Variants in SLCO1A2 observed in about 807,000 individuals in gnomAD.
The protein encoded by SLCO1A2 is solute carrier organic anion transporter family member 1A2.
Under a neutral mutation model 69.0 loss-of-function variants are expected in SLCO1A2, and 67 were observed. That is an observed-to-expected ratio of 0.97 (90% CI 0.80 to 1.19). The LOEUF (loss-of-function observed/expected upper bound fraction) is 1.19. SLCO1A2 is among the 50% of genes most tolerant of loss of function. The probability of loss-of-function intolerance (pLI) is 0.00; values close to 1 mark genes in which losing one functional copy is unlikely to be tolerated. For missense variants in SLCO1A2, 787 were observed against 793.7 expected (o/e 0.99, Z 0.10); for synonymous variants, 260 against 265.9 (o/e 0.98, Z 0.22).
intron 1 of SLCO1A2, among the ~76,000 whole-genome samples, chr12:21,385,165 T>C (rs1940813977): frequency 6.6e-6 from 1 of 152,114 alleles, no homozygotes; most frequent in African/African-American, 2.4e-5. Flanking sequence ...ATGCTGAAAA[T>C]TTAGTATAAG....
chr12:21,371,264 C>T (rs183725400), intron 2 of SLCO1A2, among the ~76,000 whole-genome samples: 3 of 152,220 alleles, frequency 2.0e-5, no homozygotes, highest in Admixed American at 2.0e-4. Context: ...TTTCCATTGG[C>T]CCTGTTTTAG....
chr12:21,410,950 C>A (rs956516741), intron 1 of SLCO1A2, among the ~76,000 whole-genome samples: 1 of 151,962 alleles, frequency 6.6e-6, no homozygotes, highest in African/African-American at 2.4e-5. Flanking sequence ...TTTTTATTAA[C>A]GAGTAAAGAT....
At chr12:21,364,025 G>A (rs988087500) in intron 2 of SLCO1A2, among the ~76,000 whole-genome samples, 1 of 152,116 alleles carries the variant, frequency 6.6e-6, no homozygotes, top group African/African-American at 2.4e-5. Context: ...GAAAAAGAGG[G>A]AATCCTCCCT....
At chr12:21,326,937 C>T (rs949334719) in intron 2 of SLCO1A2, among the ~76,000 whole-genome samples, 2 of 152,126 alleles carry the variant, frequency 1.3e-5, no homozygotes, top group East Asian at 1.9e-4. Flanking sequence ...CAGAAACTTG[C>T]GTAAGTAATG....
intron 2 of SLCO1A2, among the ~76,000 whole-genome samples, chr12:21,371,491 T>C (rs1939785416): frequency 6.6e-6 from 1 of 152,194 alleles, no homozygotes; most frequent in African/African-American, 2.4e-5. Context: ...CTAAACAAGT[T>C]TCTTTCCTCC....
chr12:21,350,763 G>A (rs2137011071), intron 2 of SLCO1A2, among the ~76,000 whole-genome samples: 1 of 147,602 alleles, frequency 6.8e-6, no homozygotes, highest in Admixed American at 6.8e-5. Flanking sequence ...CTTGAACCCA[G>A]GAGGCAGGGG....
At chr12:21,326,847 G>A (rs1230121167) in intron 2 of SLCO1A2, among the ~76,000 whole-genome samples, 2 of 152,158 alleles carry the variant, frequency 1.3e-5, no homozygotes, top group Non-Finnish European at 2.9e-5. Context: ...AGCAAAGCAT[G>A]AAAGTTAGGA....
chr12:21,405,418 A>G (rs912022295), intron 1 of SLCO1A2, among the ~76,000 whole-genome samples: 2 of 152,104 alleles, frequency 1.3e-5, no homozygotes, highest in Admixed American at 1.3e-4. Flanking sequence ...AAAAAAAACT[A>G]CTTCAAAATT....
intron 2 of SLCO1A2, among the ~76,000 whole-genome samples, chr12:21,359,488 C>T (rs2137040428): frequency 6.6e-6 from 1 of 152,296 alleles, no homozygotes; most frequent in African/African-American, 2.4e-5. Context: ...TGGCCTTCTT[C>T]CTACCCAATA....
intron 3 of SLCO1A2, among the ~76,000 whole-genome samples, chr12:21,316,987 G>C (rs12227319): frequency 0.088 from 13,317 of 151,996 alleles, 983 homozygotes; most frequent in East Asian, 0.35. Context: ...TAATTTAATG[G>C]GTTGATTAAA....
At chr12:21,413,269 C>G (rs1331252795) in intron 1 of SLCO1A2, among the ~76,000 whole-genome samples, 2 of 129,896 alleles carry the variant, frequency 1.5e-5, no homozygotes, top group Non-Finnish European at 3.1e-5. Flanking sequence ...GAAGGACCCT[C>G]CCTCTATCTC....
chr12:21,334,479 T>C lies in SLCO1A2; in HGVS notation c.60+109A>G, dbSNP rs146860593. 3.6e-4 allele frequency: 269 copies of C among 737,790 alleles called. No individual in the cohort carries two copies. The African/African-American group carries it at 4.4e-3, about 12-fold the overall frequency. 45.7% of individuals were successfully genotyped at this position (737,790 alleles called of 1,614,324 possible). A position where few individuals can be genotyped will look rare whatever the true frequency, so the allele number is the denominator to read the frequency against. ...GAAATTATCAATAGAACAGGCAATATGGCATTAATATTAGATCACTTCATG... is the reference window on the plus strand; with the variant it reads ...GAAATTATCAATAGAACAGGCAATACGGCATTAATATTAGATCACTTCATG... On this transcript the variant is annotated intron_variant, in intron 2 of 14. Transcript: ENST00000683939.
At chr12:21,359,031 C>G (rs1230476066) in intron 2 of SLCO1A2, among the ~76,000 whole-genome samples, 2 of 152,156 alleles carry the variant, frequency 1.3e-5, no homozygotes, top group African/African-American at 4.8e-5. Flanking sequence ...GCTAAGACAG[C>G]AATGTTAACA....
chr12:21,272,338 A>T (rs1454516287), intron 14 of SLCO1A2, among the ~76,000 whole-genome samples: 1 of 151,616 alleles, frequency 6.6e-6, no homozygotes, highest in African/African-American at 2.4e-5. Flanking sequence ...CTATATTATC[A>T]CTCATTTTTG....
chr12:21,415,423 C>T (rs1941974213), intron 1 of SLCO1A2, among the ~76,000 whole-genome samples: 1 of 152,018 alleles, frequency 6.6e-6, no homozygotes, highest in Admixed American at 6.6e-5. Context: ...CTGGATTTTT[C>T]TTCCTTTTTA....
chr12:21,344,405 C>A (rs1201156586), intron 2 of SLCO1A2, among the ~76,000 whole-genome samples: 1 of 152,028 alleles, frequency 6.6e-6, no homozygotes, highest in African/African-American at 2.4e-5. Flanking sequence ...TACCTTGGTT[C>A]TATTCTAGTT....
intron 1 of SLCO1A2, among the ~76,000 whole-genome samples, chr12:21,386,023 T>A (rs12312939): frequency 0.052 from 7,923 of 152,278 alleles, 516 homozygotes; most frequent in African/African-American, 0.16. Context: ...GATTATTATC[T>A]GGCTATGCCA....
At chr12:21,377,966 T>C (rs890126234) in intron 1 of SLCO1A2, among the ~76,000 whole-genome samples, 6 of 152,190 alleles carry the variant, frequency 3.9e-5, no homozygotes, top group Non-Finnish European at 7.3e-5. Context: ...ATTTTGATTA[T>C]ATGTAATATA....
At chr12:21,303,452 TAA>T (rs1948970403) in intron 6 of SLCO1A2, among the ~76,000 whole-genome samples, 1 of 152,192 alleles carries the variant, frequency 6.6e-6, no homozygotes, top group Non-Finnish European at 1.5e-5. Flanking sequence ...TCACTTGGGT[TAA>T]TGATCCCTCA....
Sources: allele counts gnomAD v4.1 joint callset (sites outside exome capture counted in the v4.1 genomes callset), GRCh38; gene constraint gnomAD v4.1.1; transcripts MANE v1.5; gene names NCBI Gene and HGNC (gene_info 2026-07-23, HGNC 2026-07-21).